The following HDAC9 variants were observed in gnomAD, a reference collection of about 807,000 sequenced individuals.
HDAC9 encodes MEF-2 interacting transcription repressor (MITR) protein.
Under a neutral mutation model 139.4 loss-of-function variants are expected in HDAC9, and 41 were observed. The ratio of observed to expected loss-of-function variants is 0.29; its 90% CI spans 0.23 to 0.38. The LOEUF is 0.38. Ranked by LOEUF, HDAC9 falls within the 10% of genes least tolerant of loss-of-function variation. HDAC9 has a pLI of 1.00. For synonymous variants in HDAC9, 517 were observed against 476.2 expected (o/e 1.09, Z -1.12); for missense variants, 1,147 against 1,297.0 (o/e 0.88, Z 1.78).
chr7:18,270,385 G>A (rs974677463), intron 2 of HDAC9, among the ~76,000 whole-genome samples: 5 of 151,556 alleles, frequency 3.3e-5, no homozygotes, highest in African/African-American at 1.2e-4. Flanking sequence ...TGGTAGAACA[G>A]GCATAGAATA....
intron 21 of HDAC9, among the ~76,000 whole-genome samples, chr7:18,844,764 CA>C (rs1279256660): frequency 6.6e-6 from 1 of 152,108 alleles, no homozygotes; most frequent in East Asian, 1.9e-4. Flanking sequence ...TTTTATTACC[CA>C]AAGAGATCTG....
At chr7:18,145,025 A>G (rs73315764) in intron 1 of HDAC9, among the ~76,000 whole-genome samples, 3,357 of 152,294 alleles carry the variant, frequency 0.022, 130 homozygotes, top group African/African-American at 0.075. Flanking sequence ...ACAAAGACTT[A>G]AGTTTCACTT....
chr7:18,407,725 G>A (rs1221570770), intron 1 of HDAC9, among the ~76,000 whole-genome samples: 4 of 152,152 alleles, frequency 2.6e-5, no homozygotes, highest in Non-Finnish European at 4.4e-5. Context: ...AAAACTGGCA[G>A]AACTGTTTTT....
chr7:18,415,229 G>A (rs1213382120), intron 1 of HDAC9, among the ~76,000 whole-genome samples: 3 of 152,162 alleles, frequency 2.0e-5, no homozygotes, highest in South Asian at 2.1e-4. Flanking sequence ...TGTAGTTCTC[G>A]ATGGCTTAAA....
chr7:18,629,282 C>G (rs1781584381), intron 6 of HDAC9, 68 bp from the exon 7 acceptor site: 1 of 1,307,138 alleles, frequency 7.7e-7, no homozygotes, highest in East Asian at 2.8e-5. Flanking sequence ...TTTTTTTTAA[C>G]ACATGAGCAA....
intron 2 of HDAC9, among the ~76,000 whole-genome samples, chr7:18,203,744 C>G (rs995064640): frequency 3.9e-5 from 6 of 152,196 alleles, no homozygotes; most frequent in African/African-American, 1.4e-4. Context: ...TCTTTCCTCC[C>G]ACACACCACT....
chr7:18,969,381 C>G (rs1003279829), intron 24 of HDAC9, among the ~76,000 whole-genome samples: 2 of 152,114 alleles, frequency 1.3e-5, no homozygotes, highest in Admixed American at 6.5e-5. Context: ...TACAAGTGAG[C>G]CTCAAAAGTA....
chr7:18,870,841 T>C (rs1460109720), intron 21 of HDAC9, among the ~76,000 whole-genome samples: 1 of 152,076 alleles, frequency 6.6e-6, no homozygotes, highest in East Asian at 1.9e-4. Context: ...GTGTGGCTAA[T>C]CTTTTTTGGA....
At chr7:18,310,200 C>T (rs989523794) in intron 1 of HDAC9, among the ~76,000 whole-genome samples, 2 of 152,104 alleles carry the variant, frequency 1.3e-5, no homozygotes, top group African/African-American at 4.8e-5. Flanking sequence ...AGGAATGGTT[C>T]CCAGGCTTCC....
chr7:18,812,993 T>C (rs1794298505), intron 17 of HDAC9, among the ~76,000 whole-genome samples: 1 of 152,100 alleles, frequency 6.6e-6, no homozygotes, highest in Non-Finnish European at 1.5e-5. Flanking sequence ...TCCCATTTAG[T>C]TCTTTTTTAC....
rs1786387241 is a variant in HDAC9 at position 18,732,900 on chromosome 7, C to CGTGTGCGTATGTGT, written c.1909+5143_1909+5144insGTGTGCGTATGTGT. On this transcript the variant is annotated intron_variant, in intron 13 of 25. Transcript: ENST00000686413. ...ACACGTGTGCGTATGTGTACACACA[C>CGTGTGCGTATGTGT]ACGTGTGCGTATGTGTATACACACG... Among the ~76,000 whole-genome samples the CGTGTGCGTATGTGT allele has an allele frequency of 2.2e-5, 2 of 92,274 alleles. 1 individual carries two copies. Among genetic ancestry groups the CGTGTGCGTATGTGT allele is most frequent in the African/African-American group, 9.6e-5 (2 of 20,866 alleles). 60.5% of individuals were successfully genotyped at this position (92,274 alleles called of 152,430 possible).
At chr7:18,272,413 A>T (rs1284224639) in intron 2 of HDAC9, among the ~76,000 whole-genome samples, 1 of 152,082 alleles carries the variant, frequency 6.6e-6, no homozygotes, top group Admixed American at 6.6e-5. Flanking sequence ...TGTAGGGATA[A>T]TTTTTTTCTA....
At chr7:18,307,896 A>G (rs1339249183) in intron 1 of HDAC9, among the ~76,000 whole-genome samples, 1 of 152,200 alleles carries the variant, frequency 6.6e-6, no homozygotes. Flanking sequence ...TTAACAAAAC[A>G]GCCGATGTCA....
At chr7:18,115,021 G>A (rs1469766592) in intron 1 of HDAC9, among the ~76,000 whole-genome samples, 1 of 152,230 alleles carries the variant, frequency 6.6e-6, no homozygotes, top group Non-Finnish European at 1.5e-5. Flanking sequence ...TCCGGGCACA[G>A]TGGCTCATGC....
At chr7:18,855,091 A>G (rs1268416195) in intron 21 of HDAC9, among the ~76,000 whole-genome samples, 1 of 152,168 alleles carries the variant, frequency 6.6e-6, no homozygotes, top group Admixed American at 6.6e-5. Flanking sequence ...GGCGTCCCTT[A>G]ATCTCACTGC....
intron 14 of HDAC9, among the ~76,000 whole-genome samples, chr7:18,751,308 C>T (rs1318642486): frequency 6.6e-6 from 1 of 152,010 alleles, no homozygotes; most frequent in Non-Finnish European, 1.5e-5. Context: ...ACAAAATTAA[C>T]AAATAATACA....
At chr7:18,477,961 C>T (rs934196042) in intron 1 of HDAC9, among the ~76,000 whole-genome samples, 6 of 152,066 alleles carry the variant, frequency 3.9e-5, no homozygotes, top group African/African-American at 1.4e-4. Flanking sequence ...GCTTGCTTTT[C>T]ACACTAGAAA....
chr7:18,342,207 C>T (rs1782070684), intron 1 of HDAC9, among the ~76,000 whole-genome samples: 1 of 151,840 alleles, frequency 6.6e-6, no homozygotes, highest in African/African-American at 2.4e-5. Context: ...CCTCTCCTCT[C>T]TGATTCTTCC....
chr7:18,512,526 C>G (rs1427553755), intron 2 of HDAC9, among the ~76,000 whole-genome samples: 1 of 152,150 alleles, frequency 6.6e-6, no homozygotes, highest in Admixed American at 6.5e-5. Context: ...AAGACTACAT[C>G]TTTAAAAAGT....
Sources: gnomAD v4.1 joint callset for allele counts (sites outside exome capture counted in the v4.1 genomes callset) on GRCh38, gnomAD v4.1.1 for gene constraint, MANE v1.5 for transcripts, NCBI Gene and HGNC (gene_info 2026-07-23, HGNC 2026-07-21) for gene names.